The following RNF185 variants were observed in gnomAD, a reference collection of about 807,000 sequenced individuals.
The protein encoded by RNF185 is ring finger protein 185, also known as E3 ubiquitin-protein ligase RNF185.
Under a neutral mutation model 24.9 loss-of-function variants are expected in RNF185, and 13 were observed. The ratio of observed to expected loss-of-function variants is 0.52; its 90% CI spans 0.34 to 0.83. The LOEUF (loss-of-function observed/expected upper bound fraction) is 0.83. Ranked by LOEUF, RNF185 falls within the 40% of genes least tolerant of loss-of-function variation. RNF185 has a pLI of 0.01. For synonymous variants in RNF185, 79 were observed against 90.3 expected, an observed-to-expected ratio of 0.88 and a Z score of 0.71; for missense variants, 184 against 244.7, an observed-to-expected ratio of 0.75 and a Z score of 1.65.
chr22:31,177,017 A>T (rs1039957636), intron 1 of RNF185, among the ~76,000 whole-genome samples: 4 of 152,188 alleles, frequency 2.6e-5, no homozygotes, highest in African/African-American at 9.7e-5. Flanking sequence ...TATGTGAGCC[A>T]GGCAGGCCAG....
chr22:31,198,127 A>G (rs1024687542), intron 5 of RNF185, among the ~76,000 whole-genome samples: 1 of 152,216 alleles, frequency 6.6e-6, no homozygotes, highest in Non-Finnish European at 1.5e-5. Context: ...TAGGCTGTGC[A>G]TATGTATTTT....
At chr22:31,175,912 G>A (rs2047977805) in intron 1 of RNF185, among the ~76,000 whole-genome samples, 1 of 152,102 alleles carries the variant, frequency 6.6e-6, no homozygotes, top group Non-Finnish European at 1.5e-5. Flanking sequence ...AGATCTGAAG[G>A]TATTGGACCT....
chr22:31,182,433 A>G (rs926271074), intron 1 of RNF185, among the ~76,000 whole-genome samples: 5 of 151,778 alleles, frequency 3.3e-5, no homozygotes, highest in South Asian at 2.1e-4. Context: ...GACCATAGAC[A>G]TGCACCACCA....
At chr22:31,175,130 G>A (rs1461831720) in intron 1 of RNF185, among the ~76,000 whole-genome samples, 1 of 151,278 alleles carries the variant, frequency 6.6e-6, no homozygotes, top group African/African-American at 2.4e-5. Context: ...GGAACAGCTG[G>A]CTCTAGAATC....
intron 1 of RNF185, among the ~76,000 whole-genome samples, chr22:31,166,639 TTCC>T (rs1413634693): frequency 1.3e-5 from 2 of 149,174 alleles, no homozygotes; most frequent in African/African-American, 5.0e-5. Context: ...CTTCTTCTTC[TTCC>T]TCTTCCTCTT....
intron 2 of RNF185, 113 bp from the exon 3 acceptor site, chr22:31,192,571 C>T: frequency 1.1e-6 from 1 of 882,130 alleles, no homozygotes; most frequent in African/African-American, 1.6e-5. Context: ...CCTGTTTTCT[C>T]ATTCTGCTAC....
chr22:31,178,103 G>A (rs923255501), intron 1 of RNF185, among the ~76,000 whole-genome samples: 3 of 152,198 alleles, frequency 2.0e-5, no homozygotes, highest in South Asian at 4.1e-4. Context: ...TTGCAAATCC[G>A]CGTTAGTCCC....
At chr22:31,186,592 A>T (rs571148451) in intron 1 of RNF185, among the ~76,000 whole-genome samples, 8 of 152,186 alleles carry the variant, frequency 5.3e-5, no homozygotes, top group African/African-American at 1.4e-4. Context: ...ACAGAGTGAA[A>T]CTCCATCTCT....
At chr22:31,189,135 ATGTGTGTGTGTG>A (rs202051750) in intron 2 of RNF185, among the ~76,000 whole-genome samples, 15 of 136,906 alleles carry the variant, frequency 1.1e-4, no homozygotes, top group African/African-American at 3.3e-4. Context: ...CAAAAAAAAA[ATGTGTGTGTGTG>A]TGTGTGTGTG....
rs114265376 is a variant in RNF185 at position 31,163,478 on chromosome 22, C to A, written c.-49+3175C>A. On this transcript the variant is annotated intron_variant, in intron 1 of 6. Coordinates refer to ENST00000326132, the MANE Select transcript of RNF185 (RefSeq NM_152267.4). ...GAGTAGTTGGGACTACGGGCACACACCACCACACCCAGCTAACTTTTAGGT... is the reference window on the plus strand; with the variant it reads ...GAGTAGTTGGGACTACGGGCACACAACACCACACCCAGCTAACTTTTAGGT... Among the ~76,000 whole-genome samples the A allele has an allele frequency of 3.0e-3, 462 of 151,972 alleles. 2 individuals are homozygous for A. The highest frequency in any genetic ancestry group is 0.011 in the African/African-American group (448 of 41,450).
intron 5 of RNF185, 44 bp downstream of exon 5, chr22:31,197,034 C>G: frequency 6.2e-7 from 1 of 1,611,924 alleles, no homozygotes; most frequent in Admixed American, 1.7e-5. Context: ...GAGCTGATGG[C>G]TTTAGAAGTT....
At chr22:31,171,043 A>G (rs1471601125) in intron 1 of RNF185, among the ~76,000 whole-genome samples, 2 of 152,008 alleles carry the variant, frequency 1.3e-5, no homozygotes, top group Non-Finnish European at 2.9e-5. Context: ...TCTTAACACT[A>G]TCATCTCTGC....
chr22:31,186,676 A>G (rs6518737), intron 1 of RNF185, among the ~76,000 whole-genome samples: 96,241 of 152,064 alleles, frequency 0.63, 31,740 homozygotes, highest in African/African-American at 0.75. Context: ...CCATCAATAT[A>G]GAGGCTGGAC....
chr22:31,187,982 T>A (rs2048116754), intron 2 of RNF185, among the ~76,000 whole-genome samples: 1 of 151,708 alleles, frequency 6.6e-6, no homozygotes, highest in African/African-American at 2.4e-5. Flanking sequence ...GAAAGGTCGA[T>A]CAAAAAATGC....
chr22:31,171,883 G>A (rs1207899769), intron 1 of RNF185, among the ~76,000 whole-genome samples: 7 of 151,694 alleles, frequency 4.6e-5, no homozygotes, highest in Non-Finnish European at 8.8e-5. Context: ...CAGGAGAATC[G>A]CTTGAACCTA....
chr22:31,202,347 C>T (rs750767600), intron 6 of RNF185, among the ~76,000 whole-genome samples: 2 of 152,156 alleles, frequency 1.3e-5, no homozygotes, highest in Non-Finnish European at 2.9e-5. Context: ...TTGAGCTCTG[C>T]CTGCACTTGT....
intron 4 of RNF185, among the ~76,000 whole-genome samples, chr22:31,196,029 C>T (rs2048202234): frequency 6.6e-6 from 1 of 152,182 alleles, no homozygotes; most frequent in African/African-American, 2.4e-5. Flanking sequence ...CTGGCATCCC[C>T]AAGCTCTCCA....
At chr22:31,194,121 C>T (rs1006961143) in intron 3 of RNF185, among the ~76,000 whole-genome samples, 2 of 151,790 alleles carry the variant, frequency 1.3e-5, no homozygotes, top group Non-Finnish European at 2.9e-5. Context: ...TGGTCTTGAA[C>T]TGCTGACCTC....
At chr22:31,203,784 C>T (rs144721950) in intron 6 of RNF185, among the ~76,000 whole-genome samples, 2,552 of 152,184 alleles carry the variant, frequency 0.017, 66 homozygotes, top group African/African-American at 0.057. Context: ...GCCTGTAATG[C>T]CAACGCTTTG....
Sources: gnomAD v4.1 joint callset for allele counts (sites outside exome capture counted in the v4.1 genomes callset) on GRCh38, gnomAD v4.1.1 for gene constraint, MANE v1.5 for transcripts, NCBI Gene and HGNC (gene_info 2026-07-23, HGNC 2026-07-21) for gene names.